HELB: variants seen among roughly 807,000 people sequenced by gnomAD.
The protein encoded by HELB is DNA 5'-3' helicase B.
Under a neutral mutation model 101.7 loss-of-function variants are expected in HELB, and 96 were observed. That is an observed-to-expected ratio of 0.94 (90% CI 0.80 to 1.12). The LOEUF (loss-of-function observed/expected upper bound fraction) is 1.12. Among genes scored for constraint, HELB ranks in the 50% most tolerant of loss-of-function variants. The probability of loss-of-function intolerance (pLI) is 0.00; values close to 1 mark genes in which losing one functional copy is unlikely to be tolerated. For synonymous variants in HELB, 437 were observed against 459.7 expected (o/e 0.95, Z 0.63); for missense variants, 1,210 against 1,291.9 (o/e 0.94, Z 0.97).
At chr12:66,331,672 AG>A in intron 12 of HELB, 27 bp downstream of exon 12, 4 of 1,565,166 alleles carry the variant, frequency 2.6e-6, no homozygotes, top group Non-Finnish European at 2.6e-6. Context: ...CATGTTCCCA[AG>A]TTTTATTTAA....
intron 7 of HELB, 22 bp from the exon 8 acceptor site, chr12:66,321,926 C>CT: frequency 2.2e-6 from 2 of 918,652 alleles, no homozygotes; most frequent in Non-Finnish European, 3.4e-6. Flanking sequence ...GCTGTGTTAA[C>CT]TTTTTTCTCT....
At chr12:66,306,741 A>G (rs1208586198) in intron 3 of HELB, among the ~76,000 whole-genome samples, 1 of 152,164 alleles carries the variant, frequency 6.6e-6, no homozygotes, top group Non-Finnish European at 1.5e-5. Flanking sequence ...AGTTGCATAA[A>G]TTTGTAAATG....
rs371118804 is a variant in HELB, at chr12:66,310,647, G to A, written c.1680+39G>A. On this transcript the variant is annotated intron_variant, in intron 4 of 12. Coordinates refer to ENST00000247815, the MANE Select transcript of HELB (RefSeq NM_001370285.1). ...CATTTCATCTGTAGATAAAACATTTGTCGGCCGGGCACAGTGGCTCACGCC... is the reference window on the plus strand; with the variant it reads ...CATTTCATCTGTAGATAAAACATTTATCGGCCGGGCACAGTGGCTCACGCC... 4.5e-6 allele frequency: 7 copies of A among 1,565,962 alleles called. No individual in the cohort carries two copies. In the African/African-American group the frequency reaches 9.6e-5, roughly 21 times the overall value.
intron 11 of HELB, among the ~76,000 whole-genome samples, chr12:66,329,964 T>A (rs1252443921): frequency 6.6e-6 from 1 of 152,202 alleles, no homozygotes; most frequent in Non-Finnish European, 1.5e-5. Flanking sequence ...TTTATCAAAC[T>A]TTTACAATCT....
In HELB at chr12:66,315,263, G is replaced by C; in HGVS notation, c.1880G>C (p.Ser627Thr). ...TTAGGTGACATTAGACAGTTACCCA[G>C]TATTGAACCTGGTAACTTGCTGAAA... is the stretch of plus-strand genomic sequence containing the variant. ...IILGDIRQLP[S>T]IEPGNLLKDL... Residue 627 changes from serine to threonine, a missense_variant, in exon 6 of 13, where the codon AGT becomes ACT. Coordinates refer to ENST00000247815, the MANE Select transcript of HELB (RefSeq NM_001370285.1). 6.2e-7 allele frequency: 1 copy of C among 1,607,098 alleles called. No individual in the cohort carries two copies. Among genetic ancestry groups the C allele is most frequent in the Non-Finnish European group, 8.5e-7 (1 of 1,176,636 alleles).
chr12:66,323,296 C>T (rs1228719298), intron 9 of HELB, among the ~76,000 whole-genome samples: 1 of 152,028 alleles, frequency 6.6e-6, no homozygotes, highest in East Asian at 1.9e-4. Context: ...GAGTGCCTGT[C>T]TGCTGAGGGA....
intron 10 of HELB, 25 bp downstream of exon 10, chr12:66,324,236 CT>C (rs2053709599): frequency 4.9e-6 from 7 of 1,419,148 alleles, no homozygotes; most frequent in Non-Finnish European, 6.0e-6. Flanking sequence ...AAGATAATAT[CT>C]TTTAACTAAT....
chr12:66,314,601 GT>G (rs2053580568), intron 5 of HELB, among the ~76,000 whole-genome samples: 1 of 151,996 alleles, frequency 6.6e-6, no homozygotes, highest in Non-Finnish European at 1.5e-5. Flanking sequence ...ATTCTCTTGG[GT>G]AGTCATGCTC....
At chr12:66,310,801 C>T (rs768441813) in intron 4 of HELB, among the ~76,000 whole-genome samples, 193 bp downstream of exon 4, 8 of 152,008 alleles carry the variant, frequency 5.3e-5, no homozygotes, top group Admixed American at 2.0e-4. Context: ...CATGGTGGCA[C>T]ACACCTGTAA....
downstream of HELB, chr12:66,339,346 TCC>T (rs2053899565): frequency 3.3e-5 from 5 of 152,058 alleles, no homozygotes; most frequent in Admixed American, 3.3e-4. Context: ...TCACTATGTT[TCC>T]CAGGTTGGTC....
downstream of HELB, chr12:66,338,649 AAAAC>A (rs138385063): frequency 0.23 from 34,851 of 149,868 alleles, 4,870 homozygotes; most frequent in Non-Finnish European, 0.32. Flanking sequence ...CTCCAAAAAA[AAAAC>A]AAACAAACAA....
chr12:66,340,264 A>G (rs138103929), downstream of HELB: 43 of 152,108 alleles, frequency 2.8e-4, no homozygotes, highest in African/African-American at 1.0e-3. Flanking sequence ...GTTTCTCCCT[A>G]TTCTCTCCAA....
intron 3 of HELB, among the ~76,000 whole-genome samples, chr12:66,306,925 G>A (rs1037595057): frequency 6.6e-6 from 1 of 152,144 alleles, no homozygotes; most frequent in African/African-American, 2.4e-5. Flanking sequence ...CTTCCAGTTT[G>A]AACTATTGAC....
At position 66,302,594 on chromosome 12, in the gene HELB, C is replaced by G; in HGVS notation, c.-10C>G. On this transcript the variant is annotated 5_prime_UTR_variant, in exon 1 of 13. Coordinates refer to ENST00000247815, the MANE Select transcript of HELB (RefSeq NM_001370285.1). ...TTTCCCGAGTTGTTTGGGTTGAGTTCAGGAGAAGCATGGCCAGGTCGAGTC... is the reference window on the plus strand; with the variant it reads ...TTTCCCGAGTTGTTTGGGTTGAGTTGAGGAGAAGCATGGCCAGGTCGAGTC... 1.2e-6 allele frequency: 2 copies of G among 1,610,646 alleles called. No homozygotes were observed. The highest frequency in any genetic ancestry group is 1.7e-6 in the Non-Finnish European group (2 of 1,177,252).
In HELB at chr12:66,338,131, T is replaced by C; in HGVS notation, c.*29T>C. 1 of 1,265,024 alleles carries C rather than the reference T, an allele frequency of 7.9e-7. No homozygotes were observed. Among genetic ancestry groups the C allele is most frequent in the Non-Finnish European group, 1.2e-6 (1 of 866,208 alleles). The allele number at this position is 1,265,024 out of a possible 1,614,324, so 78.4% of individuals were successfully genotyped here. ...TATTTCAAATTGTTCCGAGTAACTA[T>C]GTTTTTCTATTGGAGACAAAATGAA... is the stretch of plus-strand genomic sequence containing the variant. On this transcript the variant is annotated 3_prime_UTR_variant, in exon 13 of 13. Transcript: ENST00000247815.
In HELB at chr12:66,302,664, C is replaced by G; in HGVS notation, c.61C>G (p.Leu21Val). Residue 21 changes from leucine to valine, a missense_variant, in exon 1 of 13, where the codon CTG becomes GTG. Transcript: ENST00000247815. Reference protein sequence around the residue: ...LQGPLLPPRDLVEEDDDYLND... With the variant: ...LQGPLLPPRDVVEEDDDYLND... ...GGGACCTCTGCTCCCACCCAGGGAT[C>G]TGGTGGAGGAGGACGACGACTACCT... The G allele has an allele frequency of 6.2e-7, 1 of 1,614,092 alleles. No homozygotes were observed. Among genetic ancestry groups the G allele is most frequent in the Non-Finnish European group, 8.5e-7 (1 of 1,179,954 alleles).
In HELB at chr12:66,314,213, GTTAGTTGGTTGTTTACACCAT is replaced by G. The variant is rs200939720; in HGVS notation, c.1858+71_1858+91del. The G allele has an allele frequency of 8.5e-3, 13,166 of 1,545,836 alleles. 623 individuals are homozygous for G. The Admixed American group carries it at 0.099, about 12-fold the overall frequency. On this transcript the variant is annotated intron_variant, in intron 5 of 12. Coordinates refer to ENST00000247815, the MANE Select transcript of HELB (RefSeq NM_001370285.1). ...CTGATGTTTATTTCAAAGTATTGTG[GTTAGTTGGTTGTTTACACCAT>G]TTAGTTGGTTGTTTACACCAGAATT...
chr12:66,329,409 G>A (rs2137013036), intron 11 of HELB, among the ~76,000 whole-genome samples: 1 of 152,262 alleles, frequency 6.6e-6, no homozygotes, highest in Middle Eastern at 3.4e-3. Context: ...TAATAGATGG[G>A]GCGGCTACTC....
At chr12:66,336,121 C>T (rs1447578461) in intron 12 of HELB, among the ~76,000 whole-genome samples, 5 of 152,108 alleles carry the variant, frequency 3.3e-5, no homozygotes, top group South Asian at 2.1e-4. Context: ...GAATATATGG[C>T]GATGAAACTT....
Sources: allele counts gnomAD v4.1 joint callset (sites outside exome capture counted in the v4.1 genomes callset), GRCh38; gene constraint gnomAD v4.1.1; transcripts MANE v1.5; gene names NCBI Gene and HGNC (gene_info 2026-07-23, HGNC 2026-07-21).